DIAPH2: variants seen among roughly 807,000 people sequenced by gnomAD.
DIAPH2 encodes the protein diaphanous related formin 2.
Under a neutral mutation model 92.7 loss-of-function variants are expected in DIAPH2, and 35 were observed. The ratio of observed to expected loss-of-function variants is 0.38; its 90% confidence interval spans 0.29 to 0.50. The LOEUF is 0.50. Among genes scored for constraint, DIAPH2 ranks in the 20% least tolerant of loss-of-function variants. The pLI, the probability that DIAPH2 is intolerant of heterozygous loss-of-function variation, is 0.94. For missense variants in DIAPH2, 701 were observed against 819.5 expected (o/e 0.86, Z 1.77); for synonymous variants, 301 against 280.4 (o/e 1.07, Z -0.73).
At chrX:96,876,112 C>T (rs2065176708) in intron 4 of DIAPH2, among the ~76,000 whole-genome samples, 1 of 112,080 alleles carries the variant, frequency 8.9e-6, no homozygotes, top group South Asian at 3.7e-4. Context: ...TATGAACAGA[C>T]ACTTCTCAAA....
At chrX:97,479,572 C>A (rs1037733420) in intron 26 of DIAPH2, among the ~76,000 whole-genome samples, 11 of 111,816 alleles carry the variant, frequency 9.8e-5, no homozygotes, top group African/African-American at 3.6e-4. Flanking sequence ...CTTGCATGTT[C>A]TATTTCCCCA....
At chrX:97,131,271 A>G (rs1390841642) in intron 21 of DIAPH2, among the ~76,000 whole-genome samples, 1 of 111,570 alleles carries the variant, frequency 9.0e-6, no homozygotes, top group Non-Finnish European at 1.9e-5. Context: ...AATATACAGC[A>G]TGGATGAATA....
At chrX:97,109,284 G>A (rs905695207) in intron 20 of DIAPH2, among the ~76,000 whole-genome samples, 20 of 110,510 alleles carry the variant, frequency 1.8e-4, no homozygotes, top group Non-Finnish European at 3.4e-4. Context: ...AGCCAGGCAT[G>A]GTGACATGTG....
At position 97,242,053 on chromosome X, in the gene DIAPH2, C is replaced by T. The variant is rs182268454; in HGVS notation, c.2720-5662C>T. Among the ~76,000 whole-genome samples, 6 of 111,211 alleles carry T rather than the reference C, an allele frequency of 5.4e-5. No individual in the cohort carries two copies. In the East Asian group the frequency reaches 1.7e-3, roughly 32 times the overall value. On this transcript the variant is annotated intron_variant, in intron 22 of 26. Coordinates refer to ENST00000324765, the MANE Select transcript of DIAPH2 (RefSeq NM_006729.5). ...CCTCCCAAAGTGCTGAGATAACAGG[C>T]GTGAGCCGCCACACCTGGCTAAGTA... is the stretch of plus-strand genomic sequence containing the variant.
intron 20 of DIAPH2, among the ~76,000 whole-genome samples, chrX:97,107,645 A>C (rs745492080): frequency 8.9e-6 from 1 of 111,952 alleles, no homozygotes; most frequent in African/African-American, 3.2e-5. Context: ...TATTAAACTT[A>C]AGTCCATTCT....
chrX:97,591,574 AAGTTT>A (rs2071517348), intron 26 of DIAPH2, among the ~76,000 whole-genome samples: 1 of 112,165 alleles, frequency 8.9e-6, no homozygotes, highest in Non-Finnish European at 1.9e-5. Context: ...ATCAACAGAC[AAGTTT>A]CTAGAAACTA....
chrX:97,347,952 C>T (rs2069173668), intron 23 of DIAPH2, among the ~76,000 whole-genome samples, 164 bp from the exon 24 acceptor site: 1 of 111,716 alleles, frequency 9.0e-6, no homozygotes, highest in African/African-American at 3.3e-5. Context: ...TTTAAGCCAC[C>T]TAATCTGTGG....
At chrX:97,360,306 A>G (rs1212088940) in intron 24 of DIAPH2, among the ~76,000 whole-genome samples, 2 of 111,498 alleles carry the variant, frequency 1.8e-5, no homozygotes, top group African/African-American at 6.5e-5. Context: ...TTGGGGACAT[A>G]TAAAACAGCA....
At chrX:97,243,281 C>G (rs1252006342) in intron 22 of DIAPH2, among the ~76,000 whole-genome samples, 1 of 104,254 alleles carries the variant, frequency 9.6e-6, no homozygotes, top group Non-Finnish European at 2.0e-5. Context: ...GGAACTTACC[C>G]TCTTGTATTT....
intron 23 of DIAPH2, among the ~76,000 whole-genome samples, chrX:97,290,272 A>G (rs2068579220): frequency 9.0e-6 from 1 of 111,212 alleles, no homozygotes; most frequent in Admixed American, 9.7e-5. Context: ...CAGAGCAAGG[A>G]GACTATCAGC....
intron 23 of DIAPH2, among the ~76,000 whole-genome samples, chrX:97,309,488 T>C (rs1385718303): frequency 8.9e-6 from 1 of 112,107 alleles, no homozygotes; most frequent in Non-Finnish European, 1.9e-5. Context: ...TAATATTTCC[T>C]GATACTCCAT....
At chrX:96,806,894 C>A (rs1162194261) in intron 4 of DIAPH2, among the ~76,000 whole-genome samples, 1 of 108,759 alleles carries the variant, frequency 9.2e-6, no homozygotes, top group Non-Finnish European at 1.9e-5. Context: ...GCGCCCGACA[C>A]CACGCCCATC....
rs180983438 is a variant in DIAPH2, at chrX:96,742,517, A to G, written c.342+3755A>G. 5.4e-5 allele frequency among the ~76,000 whole-genome samples: 6 copies of G among 111,819 alleles called. No homozygotes were observed. The East Asian group carries it at 1.7e-3, about 31-fold the overall frequency. On this transcript the variant is annotated intron_variant, in intron 3 of 26. Transcript: ENST00000324765. ...AAAGCCGATGTACTTGCAGTAGCTT[A>G]TAAGATCCTATATGTTTTGACACCC... is the stretch of plus-strand genomic sequence containing the variant.
At chrX:96,764,865 C>T (rs1009499594) in intron 4 of DIAPH2, among the ~76,000 whole-genome samples, 3 of 111,344 alleles carry the variant, frequency 2.7e-5, no homozygotes, top group Non-Finnish European at 5.7e-5. Flanking sequence ...GGTTAAATAA[C>T]GAGTTTGGGG....
At chrX:97,448,990 G>GT (rs1045014412) in intron 26 of DIAPH2, among the ~76,000 whole-genome samples, 1 of 112,247 alleles carries the variant, frequency 8.9e-6, no homozygotes, top group African/African-American at 3.2e-5. Flanking sequence ...ATTCCTGATA[G>GT]TATTTAACTG....
At chrX:97,077,856 C>T (rs927445312) in intron 19 of DIAPH2, among the ~76,000 whole-genome samples, 2 of 111,775 alleles carry the variant, frequency 1.8e-5, no homozygotes. Context: ...TGCAGTAGCA[C>T]GTAGAAACAT....
In DIAPH2 at chrX:97,541,085, A is replaced by G. The variant is rs150171575; in HGVS notation, c.3242-58168A>G. On this transcript the variant is annotated intron_variant, in intron 26 of 26. Transcript: ENST00000324765. ...ATAAACTATCTTATAAGTACAATAA[A>G]AATCACCCATGCCTCATGGATAACC... 2.4e-3 allele frequency among the ~76,000 whole-genome samples: 266 copies of G among 111,605 alleles called. 1 individual carries two copies. Among genetic ancestry groups the G allele is most frequent in the African/African-American group, 8.2e-3 (253 of 30,809 alleles).
chrX:96,842,462 G>A (rs760334619), intron 4 of DIAPH2, among the ~76,000 whole-genome samples: 2 of 111,872 alleles, frequency 1.8e-5, no homozygotes, highest in Non-Finnish European at 3.8e-5. Context: ...TATAGTAGAT[G>A]TGCAGTAAAT....
At position 97,109,056 on chromosome X, in the gene DIAPH2, T is replaced by C. The variant is rs139400472; in HGVS notation, c.2350-5670T>C. Among the ~76,000 whole-genome samples the C allele has an allele frequency of 3.6e-3, 405 of 111,610 alleles. 17 individuals are homozygous for C. The East Asian group carries it at 0.1, about 28-fold the overall frequency. ...GTTCTAATGCATCGTGTATAGATGA[T>C]TTAATGAATACATTTTCATGATGAG... On this transcript the variant is annotated intron_variant, in intron 20 of 26. Transcript: ENST00000324765.
Sources: allele counts gnomAD v4.1 joint callset (sites outside exome capture counted in the v4.1 genomes callset), GRCh38; gene constraint gnomAD v4.1.1; transcripts MANE v1.5; gene names NCBI Gene and HGNC (gene_info 2026-07-23, HGNC 2026-07-21).